The following METTL6 variants were observed in gnomAD, a reference collection of about 807,000 sequenced individuals.
The protein encoded by METTL6 is tRNA N(3)-cytidine methyltransferase METTL6.
METTL6 carries 22 observed loss-of-function variants against 26.4 expected under a neutral mutation model. That is an observed-to-expected ratio of 0.83 (90% CI 0.59 to 1.19). The LOEUF (loss-of-function observed/expected upper bound fraction) is 1.19. Among genes scored for constraint, METTL6 ranks in the 50% most tolerant of loss-of-function variants. The pLI is 0.00. For synonymous variants in METTL6, 109 were observed against 116.2 expected (o/e 0.94, Z 0.40); for missense variants, 304 against 324.8 (o/e 0.94, Z 0.49).
At chr3:15,424,761 T>C (rs1182207632) in intron 3 of METTL6, among the ~76,000 whole-genome samples, 194 bp downstream of exon 3, 1 of 152,230 alleles carries the variant, frequency 6.6e-6, no homozygotes, top group Non-Finnish European at 1.5e-5. Context: ...TGGTATTTTT[T>C]CCTGCTTTTC....
intron 3 of METTL6, among the ~76,000 whole-genome samples, chr3:15,424,427 C>T (rs181709639): frequency 5.5e-4 from 83 of 152,266 alleles, no homozygotes; most frequent in Middle Eastern, 3.4e-3. Flanking sequence ...CCACCATGCC[C>T]AGCTAATTTT....
At chr3:15,385,201 C>T (rs544033648) in intron 6 of METTL6, among the ~76,000 whole-genome samples, 1 of 152,322 alleles carries the variant, frequency 6.6e-6, no homozygotes, top group African/African-American at 2.4e-5. Flanking sequence ...ATGACCCTCA[C>T]CCATTATCTT....
chr3:15,408,192 C>G (rs1382582671), downstream of METTL6, among the ~76,000 whole-genome samples: 1 of 152,090 alleles, frequency 6.6e-6, no homozygotes, highest in Admixed American at 6.6e-5. Context: ...TAGAGGATAT[C>G]CTTGTGGGGA....
chr3:15,425,522 C>T (rs13323290), intron 2 of METTL6, among the ~76,000 whole-genome samples: 22,409 of 152,192 alleles, frequency 0.15, 3,025 homozygotes, highest in African/African-American at 0.36. Flanking sequence ...TTATATTATT[C>T]TGAATCTGTC....
rs2061623494 is a variant in METTL6, at chr3:15,422,126, G to A, written c.360+2829C>T. Among the ~76,000 whole-genome samples, 2 of 151,654 alleles carry A rather than the reference G, an allele frequency of 1.3e-5. 1 individual carries two copies. The highest frequency in any genetic ancestry group is 4.2e-4 in the South Asian group (2 of 4,804). On this transcript the variant is annotated intron_variant, in intron 3 of 5. Transcript: ENST00000383790. The stretch of plus-strand genomic sequence containing the variant: ...GGATCTCTTGAGCCCAGGAGTTTGA[G>A]AACAGCCTAGGCAACGTAGTGAGAC...
At chr3:15,391,828 TCAC>T (rs1699357287) in intron 6 of METTL6, among the ~76,000 whole-genome samples, 1 of 152,108 alleles carries the variant, frequency 6.6e-6, no homozygotes, top group Non-Finnish European at 1.5e-5. Context: ...GGACATGAAC[TCAC>T]CATTTTTTAT....
intron 2 of METTL6, 90 bp downstream of exon 2, chr3:15,426,197 C>T: frequency 7.6e-7 from 1 of 1,316,626 alleles, no homozygotes; most frequent in Non-Finnish European, 1.1e-6. Flanking sequence ...CCTTGGCCTC[C>T]CCAAGTACTG....
At chr3:15,390,983 G>A (rs1407992967) in intron 6 of METTL6, among the ~76,000 whole-genome samples, 1 of 152,172 alleles carries the variant, frequency 6.6e-6, no homozygotes, top group East Asian at 1.9e-4. Flanking sequence ...AGCGGGATGG[G>A]GAGTTGAAAA....
intron 6 of METTL6, among the ~76,000 whole-genome samples, chr3:15,396,858 GA>G (rs1182586269): frequency 1.3e-5 from 2 of 152,180 alleles, no homozygotes; most frequent in Non-Finnish European, 2.9e-5. Context: ...TTTTGTCTCA[GA>G]GAAGTACCTG....
At chr3:15,392,328 C>T (rs1446728825) in intron 6 of METTL6, among the ~76,000 whole-genome samples, 1 of 151,690 alleles carries the variant, frequency 6.6e-6, no homozygotes, top group South Asian at 2.1e-4. Flanking sequence ...TATCCTTTGC[C>T]CACTTGTTGA....
In METTL6 at chr3:15,418,629, C is replaced by A. The variant is rs981963553; in HGVS notation, c.361-2687G>T. Reference sequence around the variant, plus strand: ...GAGAACAAGAGCTAAAGAAAGAATTCAAAGAAATAATGACCCTAATTTTTC... The same window carrying A: ...GAGAACAAGAGCTAAAGAAAGAATTAAAAGAAATAATGACCCTAATTTTTC... On this transcript the variant is annotated intron_variant, in intron 3 of 5. Coordinates refer to ENST00000383790, the MANE Select transcript of METTL6 (RefSeq NM_152396.4). Among the ~76,000 whole-genome samples, 39 of 152,002 alleles carry A rather than the reference C, an allele frequency of 2.6e-4. 1 individual carries two copies. Among genetic ancestry groups the A allele is most frequent in the Non-Finnish European group, 5.3e-4 (36 of 68,002 alleles).
downstream of METTL6, among the ~76,000 whole-genome samples, chr3:15,407,351 G>C (rs1055982626): frequency 1.3e-5 from 2 of 152,072 alleles, no homozygotes; most frequent in African/African-American, 4.8e-5. Context: ...GAAAACTTTT[G>C]CAGCCTGGCT....
intron 6 of METTL6, among the ~76,000 whole-genome samples, chr3:15,400,998 G>A (rs1011778429): frequency 4.0e-5 from 6 of 151,676 alleles, no homozygotes; most frequent in Admixed American, 3.9e-4. Flanking sequence ...GAATAGCTGG[G>A]ACTACAGTCA....
At chr3:15,412,533 G>A (rs1034694767) in intron 5 of METTL6, among the ~76,000 whole-genome samples, 1 of 151,942 alleles carries the variant, frequency 6.6e-6, no homozygotes, top group African/African-American at 2.4e-5. Flanking sequence ...CGCCCAGGCT[G>A]GAGGGCAGTG....
chr3:15,397,387 C>T (rs1699519470), intron 6 of METTL6, among the ~76,000 whole-genome samples: 1 of 152,170 alleles, frequency 6.6e-6, no homozygotes, highest in Non-Finnish European at 1.5e-5. Context: ...TCCGTCACCC[C>T]TTTCCTTGGC....
chr3:15,399,659 A>C lies in METTL6; in HGVS notation c.*11+11586T>G, dbSNP rs529190891. Among the ~76,000 whole-genome samples the C allele has an allele frequency of 4.0e-5, 6 of 151,776 alleles. No homozygotes were observed. The South Asian group carries it at 1.3e-3, about 32-fold the overall frequency. On this transcript the variant is annotated intron_variant, in intron 6 of 6. Coordinates refer to the METTL6 transcript ENST00000443029. ...TAGGGAATCATTAAATAAATAGTTC[A>C]AGTAAGTAAATTTCCCCAAACTAAA...
At position 15,423,734 on chromosome 3, in the gene METTL6, C is replaced by A. The variant is rs116123275; in HGVS notation, c.360+1221G>T. On this transcript the variant is annotated intron_variant, in intron 3 of 5. Coordinates refer to ENST00000383790, the MANE Select transcript of METTL6 (RefSeq NM_152396.4). The stretch of plus-strand genomic sequence containing the variant: ...AAATAAATAAATAAACAAATAAACA[C>A]TAGCTGGGCACGGTGGCACATGCCT... 2.1e-3 allele frequency among the ~76,000 whole-genome samples: 322 copies of A among 151,748 alleles called. 1 individual carries two copies. Among genetic ancestry groups the A allele is most frequent in the Middle Eastern group, 3.4e-3 (1 of 292 alleles).
At chr3:15,384,717 CAA>C in intron 6 of METTL6, 1 of 152,244 alleles carries the variant, frequency 6.6e-6, no homozygotes, top group Non-Finnish European at 1.5e-5. Context: ...CCAGCCCAGG[CAA>C]AGACACTTCA....
chr3:15,421,598 A>G (rs970272301), intron 3 of METTL6, among the ~76,000 whole-genome samples: 1 of 152,116 alleles, frequency 6.6e-6, no homozygotes, highest in Admixed American at 6.5e-5. Flanking sequence ...ACAGCTGCAC[A>G]CGCCACCACA....
Sources: allele counts gnomAD v4.1 joint callset (sites outside exome capture counted in the v4.1 genomes callset), GRCh38; gene constraint gnomAD v4.1.1; transcripts MANE v1.5; gene names NCBI Gene and HGNC (gene_info 2026-07-23, HGNC 2026-07-21).